The following ANKRA2 variants were observed in gnomAD, a reference collection of about 807,000 sequenced individuals.
ANKRA2 encodes ankyrin repeat family A protein 2.
In ANKRA2, 33 loss-of-function variants were observed where a neutral mutation model predicts 37.8. That is an observed-to-expected ratio of 0.87 (90% CI 0.66 to 1.17). ANKRA2 has a LOEUF of 1.17. Among genes scored for constraint, ANKRA2 ranks in the 50% most tolerant of loss-of-function variants. The pLI, the probability that ANKRA2 is intolerant of heterozygous loss-of-function variation, is 0.00. For synonymous variants in ANKRA2, 126 were observed against 132.3 expected (o/e 0.95, Z 0.33); for missense variants, 326 against 373.7 (o/e 0.87, Z 1.05).
Position 73,565,388 on chromosome 5 carries a change from C to T in ANKRA2, c.-361G>A, listed in dbSNP as rs1219068709. ...GGGCCTTCCCATCTGAGGCCAGCTT[C>T]AGTACAGGCCTCCAAGCCCGGGCTT... On this transcript the variant is annotated 5_prime_UTR_variant, in exon 1 of 9. Transcript: ENST00000296785. The T allele has an allele frequency of 5.7e-6, 1 of 176,876 alleles. No individual in the cohort carries two copies. The highest frequency in any genetic ancestry group is 5.7e-5 in the Admixed American group (1 of 17,394). The allele number at this position is 176,876 out of a possible 1,614,324, so 11.0% of individuals were successfully genotyped here.
chr5:73,552,749 A>G lies in ANKRA2; in HGVS notation c.*48T>C, dbSNP rs551047536. On this transcript the variant is annotated 3_prime_UTR_variant, in exon 9 of 9. Coordinates refer to ENST00000296785, the MANE Select transcript of ANKRA2 (RefSeq NM_023039.5). ...ATAAGTAAACAAAACTATCATTTAT[A>G]AGGACCAAGAAGTAAACAAAAGGGC... is the stretch of plus-strand genomic sequence containing the variant. 1,110 of 1,507,836 alleles carry G rather than the reference A, an allele frequency of 7.4e-4. 18 individuals carry two copies. The South Asian group carries it at 0.012, about 17-fold the overall frequency. 93.4% of individuals were successfully genotyped at this position (1,507,836 alleles called of 1,614,324 possible). A position where few individuals can be genotyped will look rare whatever the true frequency, so the allele number is the denominator to read the frequency against.
intron 3 of ANKRA2, among the ~76,000 whole-genome samples, chr5:73,558,954 T>C (rs540518797): frequency 1.1e-4 from 16 of 152,378 alleles, no homozygotes; most frequent in African/African-American, 3.4e-4. Flanking sequence ...TGTTTGTTTT[T>C]AGCTCAAAAA....
chr5:73,560,912 C>T (rs933914049), intron 3 of ANKRA2, among the ~76,000 whole-genome samples: 1 of 152,160 alleles, frequency 6.6e-6, no homozygotes. Context: ...CTTTCTATGC[C>T]TGACTTATTT....
At chr5:73,558,917 A>G (rs1356935139) in intron 3 of ANKRA2, among the ~76,000 whole-genome samples, 2 of 152,238 alleles carry the variant, frequency 1.3e-5, no homozygotes, top group African/African-American at 4.8e-5. Flanking sequence ...TGTCTGTAAC[A>G]TGAGATGTAA....
At chr5:73,563,928 C>T (rs1464759036) in intron 1 of ANKRA2, among the ~76,000 whole-genome samples, 1 of 152,020 alleles carries the variant, frequency 6.6e-6, no homozygotes. Context: ...TATAACAATC[C>T]TTTGAGTAGG....
rs1224473600 is a variant in ANKRA2, at chr5:73,562,592, C to A, written c.289+1G>T. The A allele has an allele frequency of 6.2e-7, 1 of 1,604,328 alleles. No homozygotes were observed. The highest frequency in any genetic ancestry group is 1.3e-5 in the African/African-American group (1 of 74,514). On this transcript the variant is annotated splice_donor_variant, in intron 2 of 8. Coordinates refer to ENST00000296785, the MANE Select transcript of ANKRA2 (RefSeq NM_023039.5). LOFTEE classifies it high-confidence loss of function. ...CAGATATTTATACCATAACTTTCAA[C>A]CTTTAAATAGGACAGATGCCACCTC...
intron 2 of ANKRA2, among the ~76,000 whole-genome samples, chr5:73,561,639 C>T (rs781381967): frequency 3.3e-5 from 5 of 151,940 alleles, no homozygotes; most frequent in Non-Finnish European, 7.4e-5. Context: ...TGGTGGCAAA[C>T]GCCTGTAATC....
At chr5:73,559,024 C>T (rs1456413370) in intron 3 of ANKRA2, among the ~76,000 whole-genome samples, 1 of 152,152 alleles carries the variant, frequency 6.6e-6, no homozygotes, top group African/African-American at 2.4e-5. Context: ...AGGGAGAGTT[C>T]TCCTTAAAAA....
In ANKRA2 at chr5:73,561,447, T is replaced by C. The variant is rs139941583; in HGVS notation, c.290-159A>G. The C allele has an allele frequency of 5.9e-4, 430 of 732,848 alleles. 3 individuals are homozygous for C. The African/African-American group carries it at 7.3e-3, about 12-fold the overall frequency. 45.4% of individuals were successfully genotyped at this position (732,848 alleles called of 1,614,324 possible). A position where few individuals can be genotyped will look rare whatever the true frequency, so the allele number is the denominator to read the frequency against. Reference sequence around the variant, plus strand: ...TTTATCATTAAAGTCCATACTTCCTTGTTTGCATAATGGTTAGTCAAAAAA... The same window carrying C: ...TTTATCATTAAAGTCCATACTTCCTCGTTTGCATAATGGTTAGTCAAAAAA... On this transcript the variant is annotated intron_variant, in intron 2 of 8. Transcript: ENST00000296785.
At chr5:73,560,328 T>C (rs1374690210) in intron 3 of ANKRA2, among the ~76,000 whole-genome samples, 1 of 152,154 alleles carries the variant, frequency 6.6e-6, no homozygotes, top group East Asian at 1.9e-4. Flanking sequence ...TTTACTCTTT[T>C]AGCAATTTTG....
Position 73,553,441 on chromosome 5 carries a change from G to T in ANKRA2, c.851C>A (p.Ser284Tyr). 1 of 1,613,478 alleles carries T rather than the reference G, an allele frequency of 6.2e-7. No individual in the cohort carries two copies. Among genetic ancestry groups the T allele is most frequent in the Non-Finnish European group, 8.5e-7 (1 of 1,179,706 alleles). The change falls in exon 8 of 9, where the codon TCT becomes TAT. Residue 284 changes from serine (S) to tyrosine (Y), a missense_variant. By Grantham distance (144) the Ser-to-Tyr change is moderately radical (BLOSUM62 -2). This residue lies in a region of ANKRA2 where 228 missense variants were observed against 260.2 expected (regional missense o/e 0.88). Coordinates refer to ENST00000296785, the MANE Select transcript of ANKRA2 (RefSeq NM_023039.5). ...GCCTAGGGCTACAGCTAGATCCATAGAATTATATCCAGAGTCAGTTTCAAT... is the reference window on the plus strand; with the variant it reads ...GCCTAGGGCTACAGCTAGATCCATATAATTATATCCAGAGTCAGTTTCAAT... Reference protein sequence around the residue: ...PTIETDSGYNSMDLAVALGYR... With the variant: ...PTIETDSGYNYMDLAVALGYR...
At chr5:73,557,298 G>A (rs1043891834) in intron 4 of ANKRA2, 3 of 227,428 alleles carry the variant, frequency 1.3e-5, no homozygotes, top group South Asian at 8.4e-5. Context: ...CACATAATCC[G>A]AAACATAAAT....
intron 4 of ANKRA2, among the ~76,000 whole-genome samples, chr5:73,555,801 A>AT (rs1747384840): frequency 6.6e-6 from 1 of 152,240 alleles, no homozygotes; most frequent in Non-Finnish European, 1.5e-5. Flanking sequence ...TTCAGATAGC[A>AT]TATTACTTAA....
Position 73,555,346 on chromosome 5 carries a change from A to T in ANKRA2, c.612+142T>A, listed in dbSNP as rs982858820. ...TAGTCTTGCCTTCCCAACTAGATCCAAGTTCCACAAGAATATGAAAAGCAT... is the reference window on the plus strand; with the variant it reads ...TAGTCTTGCCTTCCCAACTAGATCCTAGTTCCACAAGAATATGAAAAGCAT... On this transcript the variant is annotated intron_variant, in intron 5 of 8. Transcript: ENST00000296785. The T allele has an allele frequency of 4.0e-5, 55 of 1,369,814 alleles. No individual in the cohort carries two copies. In the African/African-American group the frequency reaches 7.8e-4, roughly 19 times the overall value. The allele number at this position is 1,369,814 out of a possible 1,614,324, so 84.9% of individuals were successfully genotyped here. A position where few individuals can be genotyped will look rare whatever the true frequency, so the allele number is the denominator to read the frequency against.
chr5:73,560,684 C>A (rs535740470), intron 3 of ANKRA2, among the ~76,000 whole-genome samples: 1 of 152,266 alleles, frequency 6.6e-6, no homozygotes, highest in South Asian at 2.1e-4. Context: ...CCATGCCCAG[C>A]CTTCAGTGCA....
chr5:73,561,278 A>G lies in ANKRA2; in HGVS notation c.300T>C (p.Asn100=). ...TTCCCGGAGAAGGAGATGTATGGATATTGCATTCAGCTAAGTGAAAAACAA... is the reference window on the plus strand; with the variant it reads ...TTCCCGGAGAAGGAGATGTATGGATGTTGCATTCAGCTAAGTGAAAAACAA... ...VASVLFKAEC[N]IHTSPSPGIQ... Residue 100 remains asparagine, a synonymous_variant, in exon 3 of 9, where the codon AAT becomes AAC. Coordinates refer to ENST00000296785, the MANE Select transcript of ANKRA2 (RefSeq NM_023039.5). 1 of 1,612,732 alleles carries G rather than the reference A, an allele frequency of 6.2e-7. No homozygotes were observed. The highest frequency in any genetic ancestry group is 8.5e-7 in the Non-Finnish European group (1 of 1,179,056).
Position 73,553,453 on chromosome 5 carries a change from G to C in ANKRA2, c.839C>G (p.Ser280Cys). The stretch of plus-strand genomic sequence containing the variant: ...AGCTAGATCCATAGAATTATATCCA[G>C]AGTCAGTTTCAATTGTTGGATCAGC... ...SGADPTIETDSGYNSMDLAVA... is the reference protein window; with the variant it reads ...SGADPTIETDCGYNSMDLAVA... Residue 280 changes from serine to cysteine, a missense_variant, in exon 8 of 9, where the codon TCT becomes TGT. By Grantham distance (112) the Ser-to-Cys change is moderately radical. Around this residue, in one of 3 missense-constraint regions of ANKRA2, gnomAD observed 228 missense variants for 260.2 expected, o/e 0.88. Transcript: ENST00000296785. The C allele has an allele frequency of 1.2e-6, 2 of 1,613,520 alleles. No individual in the cohort carries two copies. The highest frequency in any genetic ancestry group is 1.7e-6 in the Non-Finnish European group (2 of 1,179,722).
chr5:73,556,017 A>G (rs1344217896), intron 4 of ANKRA2, among the ~76,000 whole-genome samples: 6 of 152,204 alleles, frequency 3.9e-5, no homozygotes. Context: ...AAGTGAGATT[A>G]TATGATAGCC....
Position 73,562,429 on chromosome 5 carries a change from TA to T in ANKRA2, c.289+163del, listed in dbSNP as rs1747581718. 10 of 592,134 alleles carry T rather than the reference TA, an allele frequency of 1.7e-5. No homozygotes were observed. The South Asian group carries it at 2.0e-4, about 12-fold the overall frequency. 36.7% of individuals were successfully genotyped at this position (592,134 alleles called of 1,614,324 possible). On this transcript the variant is annotated intron_variant, in intron 2 of 8. Transcript: ENST00000296785. ...TACTTCCTTTAAATTAGATATTATA[TA>T]ATCTGAAATTATTTTAATTTTGGTT...
Sources: allele counts gnomAD v4.1 joint callset (sites outside exome capture counted in the v4.1 genomes callset), GRCh38; gene constraint gnomAD v4.1.1; regional missense constraint gnomAD v4.1.1; transcripts MANE v1.5; gene names NCBI Gene and HGNC (gene_info 2026-07-23, HGNC 2026-07-21).